SMYD2: variants seen among roughly 807,000 people sequenced by gnomAD.
SMYD2 encodes N-lysine methyltransferase SMYD2.
A neutral mutation model predicts 59.1 loss-of-function variants in SMYD2; 53 were observed. The ratio of observed to expected loss-of-function variants is 0.90; its 90% CI spans 0.72 to 1.13. The LOEUF is 1.13. Among genes scored for constraint, SMYD2 ranks in the 50% most tolerant of loss-of-function variants. The probability of loss-of-function intolerance (pLI) is 0.00; values close to 1 mark genes in which losing one functional copy is unlikely to be tolerated. For missense variants in SMYD2, 494 were observed against 544.7 expected (o/e 0.91, Z 0.93); for synonymous variants, 208 against 198.8 (o/e 1.05, Z -0.39).
chr1:214,295,719 A>C (rs553818332), intron 1 of SMYD2, among the ~76,000 whole-genome samples: 2 of 152,278 alleles, frequency 1.3e-5, no homozygotes. Flanking sequence ...TCACTGTTAC[A>C]TTGTGGATTA....
chr1:214,327,008 C>T (rs1487087210), intron 6 of SMYD2, among the ~76,000 whole-genome samples: 2 of 152,262 alleles, frequency 1.3e-5, no homozygotes, highest in East Asian at 3.8e-4. Context: ...GCTCAAAGCA[C>T]CTCGCATAGG....
chr1:214,287,103 A>G (rs903336342), intron 1 of SMYD2, among the ~76,000 whole-genome samples: 1 of 151,588 alleles, frequency 6.6e-6, no homozygotes, highest in African/African-American at 2.4e-5. Flanking sequence ...TGCTGGGATT[A>G]CAGGTATGAG....
chr1:214,293,032 TG>T (rs1656662716), intron 1 of SMYD2, among the ~76,000 whole-genome samples: 1 of 127,032 alleles, frequency 7.9e-6, no homozygotes, highest in South Asian at 2.3e-4. Flanking sequence ...TGTGTGTGTG[TG>T]TGTGTGTGTG....
intron 5 of SMYD2, among the ~76,000 whole-genome samples, chr1:214,321,244 A>ATG (rs1657167349): frequency 1.3e-5 from 2 of 149,270 alleles, no homozygotes; most frequent in South Asian, 2.1e-4. Context: ...ACCTTAAAAA[A>ATG]TGTATATATA....
chr1:214,316,951 C>T (rs1157413804), intron 3 of SMYD2, among the ~76,000 whole-genome samples: 2 of 152,068 alleles, frequency 1.3e-5, no homozygotes, highest in Non-Finnish European at 2.9e-5. Flanking sequence ...ATGGGATCTC[C>T]GCACATCTTG....
intron 1 of SMYD2, among the ~76,000 whole-genome samples, chr1:214,281,730 G>T (rs1656453441): frequency 6.6e-6 from 1 of 152,204 alleles, no homozygotes; most frequent in Non-Finnish European, 1.5e-5. Context: ...TCAAATGTGG[G>T]CTCCGAGCCA....
chr1:214,291,960 C>CT (rs908922604), intron 1 of SMYD2, among the ~76,000 whole-genome samples: 1 of 152,090 alleles, frequency 6.6e-6, no homozygotes, highest in African/African-American at 2.4e-5. Flanking sequence ...TGTTTTTTAA[C>CT]TTTAAAACAT....
intron 1 of SMYD2, among the ~76,000 whole-genome samples, chr1:214,301,145 A>G (rs1656817221): frequency 6.6e-6 from 1 of 152,162 alleles, no homozygotes. Flanking sequence ...AGACAACTGG[A>G]TTTTCAAATA....
intron 1 of SMYD2, among the ~76,000 whole-genome samples, chr1:214,294,458 A>T (rs1158296920): frequency 6.6e-6 from 1 of 152,160 alleles, no homozygotes; most frequent in Non-Finnish European, 1.5e-5. Context: ...GCTTGAGGAC[A>T]GGAGTTCAAG....
At chr1:214,293,011 TTGTGTGTGTG>T (rs58012666) in intron 1 of SMYD2, among the ~76,000 whole-genome samples, 11,169 of 137,200 alleles carry the variant, frequency 0.081, 537 homozygotes, top group Non-Finnish European at 0.083. Flanking sequence ...CTTTTTCTGT[TTGTGTGTGTG>T]TGTGTGTGTG....
At chr1:214,316,597 G>T (rs1487002365) in intron 3 of SMYD2, among the ~76,000 whole-genome samples, 3 of 152,070 alleles carry the variant, frequency 2.0e-5, no homozygotes, top group Admixed American at 6.5e-5. Context: ...AGCCAAATGT[G>T]ATGGAAATGA....
At chr1:214,309,696 A>G (rs780426962) in intron 2 of SMYD2, among the ~76,000 whole-genome samples, 11 of 152,214 alleles carry the variant, frequency 7.2e-5, no homozygotes, top group African/African-American at 2.4e-4. Context: ...CGTAGGTTCA[A>G]TCCTGGTTCA....
chr1:214,300,975 T>G (rs1656814242), intron 1 of SMYD2, among the ~76,000 whole-genome samples: 1 of 152,234 alleles, frequency 6.6e-6, no homozygotes, highest in Non-Finnish European at 1.5e-5. Flanking sequence ...GTATCATATG[T>G]CAAGTTAAAC....
chr1:214,309,235 G>C (rs1337367334), intron 2 of SMYD2, among the ~76,000 whole-genome samples: 1 of 152,206 alleles, frequency 6.6e-6, no homozygotes, highest in Non-Finnish European at 1.5e-5. Context: ...TGCATGAAAG[G>C]GTAATGGGAG....
At chr1:214,302,488 A>G (rs777021354) in intron 1 of SMYD2, among the ~76,000 whole-genome samples, 1 of 152,126 alleles carries the variant, frequency 6.6e-6, no homozygotes, top group Admixed American at 6.5e-5. Context: ...AAATAATCTG[A>G]ATTCTGTCTC....
chr1:214,311,254 G>A (rs1656995147), intron 2 of SMYD2, among the ~76,000 whole-genome samples: 1 of 152,200 alleles, frequency 6.6e-6, no homozygotes, highest in Non-Finnish European at 1.5e-5. Context: ...GTTTCAGAGC[G>A]CAGCCTGTGC....
intron 6 of SMYD2, among the ~76,000 whole-genome samples, chr1:214,327,032 C>CT (rs1161605966): frequency 6.6e-6 from 1 of 152,250 alleles, no homozygotes; most frequent in Non-Finnish European, 1.5e-5. Flanking sequence ...ATCTCTCTCT[C>CT]TCCTTCTCGC....
rs568105061 is a variant in SMYD2 at position 214,330,969 on chromosome 1, T to C, written c.836T>C (p.Ile279Thr). ...CTTCAGGATAAGGCCAAGGTGGAAA[T>C]CCGGAAGCTCAGCGATCCCCCAAAG... ...TKDKDKAKVE[I>T]RKLSDPPKAE... Residue 279 changes from isoleucine (I) to threonine (T), a missense_variant, in exon 9 of 12, where the codon ATC (isoleucine) becomes ACC (threonine). Physicochemically the swap from Ile to Thr is moderately conservative, Grantham distance 89. Transcript: ENST00000366957. The C allele has an allele frequency of 1.2e-6, 2 of 1,614,114 alleles. No individual in the cohort carries two copies. Among genetic ancestry groups the C allele is most frequent in the African/African-American group, 2.7e-5 (2 of 75,042 alleles).
At chr1:214,286,749 C>CA (rs5780769) in intron 1 of SMYD2, among the ~76,000 whole-genome samples, 5,953 of 71,856 alleles carry the variant, frequency 0.083, 448 homozygotes, top group East Asian at 0.15. Context: ...GCCTCCATCT[C>CA]AAAAAAAAAA....
Sources: gnomAD v4.1 joint callset for allele counts (sites outside exome capture counted in the v4.1 genomes callset) on GRCh38, gnomAD v4.1.1 for gene constraint, MANE v1.5 for transcripts, NCBI Gene and HGNC (gene_info 2026-07-23, HGNC 2026-07-21) for gene names.